Variants in SAMD4A observed in about 807,000 individuals in gnomAD.
SAMD4A encodes protein Smaug homolog 1.
In SAMD4A, 33 loss-of-function variants were observed where a neutral mutation model predicts 81.3. That is an observed-to-expected ratio of 0.41 (90% CI 0.31 to 0.54). SAMD4A has a LOEUF of 0.54. Ranked by LOEUF, SAMD4A falls within the 20% of genes least tolerant of loss-of-function variation. The pLI is 0.37. For synonymous variants in SAMD4A, 389 were observed against 382.1 expected (o/e 1.02, Z -0.21); for missense variants, 854 against 951.1 (o/e 0.90, Z 1.34).
intron 2 of SAMD4A, among the ~76,000 whole-genome samples, chr14:54,661,831 A>G (rs1386191896): frequency 6.6e-6 from 1 of 152,212 alleles, no homozygotes; most frequent in Non-Finnish European, 1.5e-5. Context: ...TACATTAACA[A>G]TTGTTTACCA....
chr14:54,701,400 A>G (rs2036713160), intron 2 of SAMD4A, among the ~76,000 whole-genome samples: 1 of 152,250 alleles, frequency 6.6e-6, no homozygotes, highest in Non-Finnish European at 1.5e-5. Flanking sequence ...TGATCTCTAC[A>G]TAAAGCAAAA....
intron 2 of SAMD4A, among the ~76,000 whole-genome samples, chr14:54,669,698 A>G (rs577898010): frequency 6.6e-6 from 1 of 152,080 alleles, no homozygotes; most frequent in Non-Finnish European, 1.5e-5. Flanking sequence ...GTTCCTGCCT[A>G]TAATTAGCAC....
rs1566611957 is a variant in SAMD4A, at chr14:54,737,243, C to T, written c.935C>T (p.Thr312Ile). 24 of 1,614,092 alleles carry T rather than the reference C, an allele frequency of 1.5e-5. No homozygotes were observed. The highest frequency in any genetic ancestry group is 2.0e-5 in the Non-Finnish European group (24 of 1,180,028). Residue 312 changes from threonine to isoleucine, a missense_variant, in exon 4 of 13, where the codon ACC becomes ATC. Physicochemically the swap from Thr to Ile is moderately conservative, Grantham distance 89. Coordinates refer to ENST00000554335, the MANE Select transcript of SAMD4A (RefSeq NM_015589.6). ...GGGAGTGAACACTTAGAAGATCAGA[C>T]CACTGCTCGTAACACATTCCAAGAA... ...SGGSEHLEDQ[T>I]TARNTFQEEG...
At position 54,573,552 on chromosome 14, in the gene SAMD4A, G is replaced by A. The variant is rs140536330; in HGVS notation, c.196+5440G>A. Among the ~76,000 whole-genome samples the A allele has an allele frequency of 2.2e-3, 333 of 152,284 alleles. 1 individual carries two copies. Among genetic ancestry groups the A allele is most frequent in the African/African-American group, 7.7e-3 (320 of 41,556 alleles). ...GTGAAGTGCTTTGTGTAACTCATTT[G>A]CTAGGAAAGGTATGGTGCTCGTAGA... On this transcript the variant is annotated intron_variant, in intron 2 of 12. Transcript: ENST00000554335.
At chr14:54,688,362 C>T in intron 2 of SAMD4A, 2 of 985,534 alleles carry the variant, frequency 2.0e-6, no homozygotes, top group Non-Finnish European at 2.4e-6. Context: ...CTCAACTCTC[C>T]TCCTTGGAGC....
At chr14:54,753,113 C>A (rs1286759501) in intron 6 of SAMD4A, among the ~76,000 whole-genome samples, 4 of 152,242 alleles carry the variant, frequency 2.6e-5, no homozygotes, top group Non-Finnish European at 4.4e-5. Flanking sequence ...AGTGGCCTTC[C>A]TCTATCTCAA....
Position 54,678,715 on chromosome 14 carries a change from A to G in SAMD4A, c.197-23347A>G, listed in dbSNP as rs1257911249. Reference sequence around the variant, plus strand: ...AGGCGCCCGCCATCGCTTCCGGCTAATTTTTTGCATTTTTAGTAGAGACGG... The same window carrying G: ...AGGCGCCCGCCATCGCTTCCGGCTAGTTTTTTGCATTTTTAGTAGAGACGG... On this transcript the variant is annotated intron_variant, in intron 2 of 12. Coordinates refer to ENST00000554335, the MANE Select transcript of SAMD4A (RefSeq NM_015589.6). Among the ~76,000 whole-genome samples, 7 of 151,822 alleles carry G rather than the reference A, an allele frequency of 4.6e-5. No homozygotes were observed. In the East Asian group the frequency reaches 1.4e-3, roughly 29 times the overall value.
At chr14:54,591,053 T>C (rs1222898155) in intron 2 of SAMD4A, among the ~76,000 whole-genome samples, 1 of 152,088 alleles carries the variant, frequency 6.6e-6, no homozygotes, top group Non-Finnish European at 1.5e-5. Flanking sequence ...CTCTCAGAGG[T>C]AGCATGCAAA....
At chr14:54,703,755 G>C (rs2036780312) in intron 3 of SAMD4A, 1 of 152,138 alleles carries the variant, frequency 6.6e-6, no homozygotes, top group Non-Finnish European at 1.5e-5. Flanking sequence ...TGTAATCCCA[G>C]CTACTCGGGA....
At chr14:54,638,061 T>C (rs968821423) in intron 2 of SAMD4A, among the ~76,000 whole-genome samples, 1 of 152,226 alleles carries the variant, frequency 6.6e-6, no homozygotes, top group African/African-American at 2.4e-5. Flanking sequence ...CTGTACATCC[T>C]TCCTTCCTGG....
chr14:54,582,678 T>C (rs560025711), intron 2 of SAMD4A, among the ~76,000 whole-genome samples: 1 of 152,302 alleles, frequency 6.6e-6, no homozygotes, highest in Non-Finnish European at 1.5e-5. Flanking sequence ...ATTGGGACAA[T>C]TGGTGAAATT....
At chr14:54,717,883 G>A (rs1199252014) in intron 3 of SAMD4A, among the ~76,000 whole-genome samples, 1 of 135,280 alleles carries the variant, frequency 7.4e-6, no homozygotes, top group Non-Finnish European at 1.6e-5. Flanking sequence ...GTTGCTTGAA[G>A]GTTTTTTTTT....
chr14:54,654,457 G>A (rs574414668), intron 2 of SAMD4A, among the ~76,000 whole-genome samples: 1 of 152,160 alleles, frequency 6.6e-6, no homozygotes, highest in East Asian at 1.9e-4. Flanking sequence ...CAACCCCCTG[G>A]GCCGGTGACC....
At position 54,702,259 on chromosome 14, in the gene SAMD4A, C is replaced by T. The variant is rs2036738066; in HGVS notation, c.394C>T (p.His132Tyr). The change falls in exon 3 of 13, where the codon CAT becomes TAT. Residue 132 changes from histidine to tyrosine, a missense_variant. By Grantham distance (83) the His-to-Tyr change is moderately conservative. This residue lies in a region of SAMD4A where 387 missense variants were observed against 405.8 expected (regional missense o/e 0.95). Transcript: ENST00000554335. ...GCAGCTGCTGTCCTATGCTTTGATA[C>T]ATCCAGCCACTTCGTTAGAAGACCG... The part of the protein sequence containing the change: ...SRQLLSYALI[H>Y]PATSLEDRSA... 6.2e-7 allele frequency: 1 copy of T among 1,614,206 alleles called. No individual in the cohort carries two copies. Among genetic ancestry groups the T allele is most frequent in the Non-Finnish European group, 8.5e-7 (1 of 1,180,030 alleles).
intron 2 of SAMD4A, among the ~76,000 whole-genome samples, chr14:54,578,652 C>G (rs1261876276): frequency 6.6e-6 from 1 of 151,764 alleles, no homozygotes; most frequent in African/African-American, 2.4e-5. Context: ...GCGGAGGTTG[C>G]AGTAAGCCGA....
intron 2 of SAMD4A, among the ~76,000 whole-genome samples, chr14:54,684,263 C>T (rs1272115333): frequency 6.6e-6 from 1 of 152,170 alleles, no homozygotes; most frequent in Non-Finnish European, 1.5e-5. Context: ...CTAACAGCAC[C>T]CCCAAATCGC....
intron 5 of SAMD4A, 85 bp downstream of exon 5, chr14:54,749,009 A>C (rs2140969021): frequency 1.1e-6 from 1 of 900,984 alleles, no homozygotes; most frequent in African/African-American, 1.7e-5. Context: ...GTTTGGACCC[A>C]TACCTATGCC....
At chr14:54,669,826 G>C (rs903817919) in intron 2 of SAMD4A, among the ~76,000 whole-genome samples, 4 of 152,148 alleles carry the variant, frequency 2.6e-5, no homozygotes, top group African/African-American at 9.7e-5. Flanking sequence ...AGCATGCAGG[G>C]AACGCTTTGC....
At chr14:54,695,065 A>G (rs2036543228) in intron 2 of SAMD4A, 2 of 269,892 alleles carry the variant, frequency 7.4e-6, no homozygotes, top group South Asian at 1.4e-4. Context: ...ATAATGGTCT[A>G]TACAGTCCAC....
Sources: gnomAD v4.1 joint callset for allele counts (sites outside exome capture counted in the v4.1 genomes callset) on GRCh38, gnomAD v4.1.1 for gene constraint, gnomAD v4.1.1 regional missense constraint, MANE v1.5 for transcripts, NCBI Gene and HGNC (gene_info 2026-07-23, HGNC 2026-07-21) for gene names.